C13orf42: variants seen among roughly 807,000 people sequenced by gnomAD.
C13orf42 encodes uncharacterized protein C13orf42.
intron 1 of C13orf42, among the ~76,000 whole-genome samples, chr13:51,154,443 T>C (rs1953809428): frequency 6.6e-6 from 1 of 152,236 alleles, no homozygotes; most frequent in South Asian, 2.1e-4. Flanking sequence ...TACAGCTGGC[T>C]CTGCACATGC....
At chr13:51,144,085 G>T (rs1953717811) in intron 1 of C13orf42, among the ~76,000 whole-genome samples, 2 of 151,876 alleles carry the variant, frequency 1.3e-5, no homozygotes, top group Non-Finnish European at 2.9e-5. Context: ...GACAATTGTT[G>T]TCTTGTTTTG....
chr13:51,126,882 G>T (rs1305743619), intron 1 of C13orf42, among the ~76,000 whole-genome samples: 1 of 152,170 alleles, frequency 6.6e-6, no homozygotes, highest in Non-Finnish European at 1.5e-5. Flanking sequence ...GATGAGAGAA[G>T]GGCCTGGTGC....
At chr13:51,118,376 G>T (rs1479246891) in intron 1 of C13orf42, among the ~76,000 whole-genome samples, 3 of 152,234 alleles carry the variant, frequency 2.0e-5, no homozygotes, top group Non-Finnish European at 2.9e-5. Context: ...CACCTGGAGA[G>T]GGGCACGACA....
intron 1 of C13orf42, among the ~76,000 whole-genome samples, chr13:51,146,429 C>T (rs1953736282): frequency 6.6e-6 from 1 of 152,202 alleles, no homozygotes; most frequent in Non-Finnish European, 1.5e-5. Flanking sequence ...TCCGAGACAG[C>T]TGTCAATCAG....
chr13:51,085,816 G>A (rs747918681), intron 2 of C13orf42, among the ~76,000 whole-genome samples: 15 of 152,342 alleles, frequency 9.8e-5, no homozygotes, highest in Admixed American at 4.6e-4. Flanking sequence ...TTGGGAGTTC[G>A]AGGCAGGCCA....
chr13:51,166,667 T>C (rs956549157), intron 1 of C13orf42, among the ~76,000 whole-genome samples: 3 of 152,024 alleles, frequency 2.0e-5, no homozygotes, highest in African/African-American at 7.2e-5. Context: ...ATTTTTGACT[T>C]TGAAATAGCA....
At chr13:51,154,663 AT>A (rs1185392478) in intron 1 of C13orf42, among the ~76,000 whole-genome samples, 1 of 152,242 alleles carries the variant, frequency 6.6e-6, no homozygotes. Flanking sequence ...GCTGTAGAAC[AT>A]TCTGGAACTG....
intron 1 of C13orf42, among the ~76,000 whole-genome samples, chr13:51,129,390 T>C (rs553026854): frequency 6.6e-6 from 1 of 152,256 alleles, no homozygotes; most frequent in African/African-American, 2.4e-5. Flanking sequence ...ATCATGGGAC[T>C]TAGGGGGCTT....
At chr13:51,149,639 G>A (rs1953764730) in intron 1 of C13orf42, among the ~76,000 whole-genome samples, 1 of 152,190 alleles carries the variant, frequency 6.6e-6, no homozygotes, top group African/African-American at 2.4e-5. Context: ...AGACACACAA[G>A]AGAGGTAGCA....
chr13:51,132,715 C>T (rs977381032), intron 1 of C13orf42, among the ~76,000 whole-genome samples: 1 of 152,104 alleles, frequency 6.6e-6, no homozygotes, highest in African/African-American at 2.4e-5. Flanking sequence ...TCAGAGGCAT[C>T]TGGACTAGAG....
chr13:51,103,765 G>A (rs1953318506), intron 1 of C13orf42, among the ~76,000 whole-genome samples: 1 of 152,156 alleles, frequency 6.6e-6, no homozygotes, highest in South Asian at 2.1e-4. Flanking sequence ...AAGACGTTGT[G>A]CTAAGTGCCA....
chr13:51,139,740 C>CTA (rs112047526), intron 1 of C13orf42, among the ~76,000 whole-genome samples: 7 of 152,236 alleles, frequency 4.6e-5, no homozygotes, highest in African/African-American at 1.7e-4. Context: ...AGAAGTTATC[C>CTA]TATATGGTCT....
intron 1 of C13orf42, among the ~76,000 whole-genome samples, chr13:51,098,785 T>C (rs1314951605): frequency 1.3e-5 from 2 of 151,860 alleles, no homozygotes; most frequent in African/African-American, 2.4e-5. Context: ...ATGGGCTGCA[T>C]TAGGGCAAAT....
intron 1 of C13orf42, among the ~76,000 whole-genome samples, chr13:51,095,447 T>C (rs1953223159): frequency 6.6e-6 from 1 of 152,190 alleles, no homozygotes; most frequent in Non-Finnish European, 1.5e-5. Context: ...TATTTCTTCT[T>C]CTCTGGGATT....
rs1953074806 is a variant in C13orf42, at chr13:51,082,429, T to C, written c.*1722A>G. 1 of 152,250 alleles carries C rather than the reference T, an allele frequency of 6.6e-6. No individual in the cohort carries two copies. The highest frequency in any genetic ancestry group is 6.5e-5 in the Admixed American group (1 of 15,288). The allele number at this position is 152,250 out of a possible 1,614,324, so 9.4% of individuals were successfully genotyped here. A position where few individuals can be genotyped will look rare whatever the true frequency, so the allele number is the denominator to read the frequency against. Reference sequence around the variant, plus strand: ...CTCCAAACATCCTCGCAGTCATGTTTATTTTTTCTTATCTTTAAAAACAAA... The same window carrying C: ...CTCCAAACATCCTCGCAGTCATGTTCATTTTTTCTTATCTTTAAAAACAAA... On this transcript the variant is annotated 3_prime_UTR_variant, in exon 4 of 4. Transcript: ENST00000563710.
chr13:51,125,356 G>A (rs76517854), intron 1 of C13orf42, among the ~76,000 whole-genome samples: 4,306 of 152,260 alleles, frequency 0.028, 177 homozygotes, highest in African/African-American at 0.095. Flanking sequence ...GAACTTGAGT[G>A]AAACTGCTAC....
chr13:51,168,312 C>T (rs1485924599), intron 1 of C13orf42, among the ~76,000 whole-genome samples: 3 of 152,206 alleles, frequency 2.0e-5, no homozygotes, highest in Non-Finnish European at 4.4e-5. Flanking sequence ...CTGGTAAAGT[C>T]TTATGTGCCA....
Position 51,111,019 on chromosome 13 carries a change from G to T in C13orf42, c.191C>A (p.Thr64Asn), listed in dbSNP as rs1327873600. ...KKYKSTSSMD[T>N]SLYYLRQEED... Reference sequence around the variant, plus strand: ...CTCCTGCCGCAGGTAGTACAGGCTGGTGTCCATGCTACTGGTGCTTTTGTA... The same window carrying T: ...CTCCTGCCGCAGGTAGTACAGGCTGTTGTCCATGCTACTGGTGCTTTTGTA... Residue 64 changes from threonine to asparagine, a missense_variant, in exon 1 of 4, where the codon ACC (threonine) becomes AAC (asparagine). Transcript: ENST00000563710. 2 of 398,730 alleles carry T rather than the reference G, an allele frequency of 5.0e-6. No individual in the cohort carries two copies. The highest frequency in any genetic ancestry group is 3.6e-5 in the East Asian group (1 of 28,074). The allele number at this position is 398,730 out of a possible 1,614,324, so 24.7% of individuals were successfully genotyped here.
rs1451920138 is a variant in C13orf42, at chr13:51,083,394, A to G, written c.*757T>C. 6.6e-6 allele frequency: 1 copy of G among 152,220 alleles called. No homozygotes were observed. The highest frequency in any genetic ancestry group is 2.4e-5 in the African/African-American group (1 of 41,458). The allele number at this position is 152,220 out of a possible 1,614,324, so 9.4% of individuals were successfully genotyped here. A position where few individuals can be genotyped will look rare whatever the true frequency, so the allele number is the denominator to read the frequency against. Reference sequence around the variant, plus strand: ...GTGTGGCCTGTCATAAACTGGTTCCATGGATATTTAAAAAGATTTTTCTGG... The same window carrying G: ...GTGTGGCCTGTCATAAACTGGTTCCGTGGATATTTAAAAAGATTTTTCTGG... On this transcript the variant is annotated 3_prime_UTR_variant, in exon 4 of 4. Coordinates refer to ENST00000563710, the MANE Select transcript of C13orf42 (RefSeq NM_001351589.3).
Sources: allele counts gnomAD v4.1 joint callset (sites outside exome capture counted in the v4.1 genomes callset), GRCh38; gene constraint gnomAD v4.1.1; transcripts MANE v1.5; gene names NCBI Gene and HGNC (gene_info 2026-07-23, HGNC 2026-07-21).